The following CADM2 variants were observed in gnomAD, a reference collection of about 807,000 sequenced individuals.
CADM2 encodes the protein immunoglobulin superfamily member 4D.
In CADM2, 12 loss-of-function variants were observed where a neutral mutation model predicts 49.8. The observed-to-expected ratio is 0.24, with a 90% CI of 0.15 to 0.39. The LOEUF (loss-of-function observed/expected upper bound fraction) is 0.39. Among genes scored for constraint, CADM2 ranks in the 10% least tolerant of loss-of-function variants. The pLI is 1.00. For missense variants in CADM2, 378 were observed against 492.3 expected (o/e 0.77, Z 2.20); for synonymous variants, 214 against 175.4 (o/e 1.22, Z -1.74).
intron 1 of CADM2, among the ~76,000 whole-genome samples, chr3:85,374,824 A>G (rs996724117): frequency 2.0e-5 from 3 of 152,226 alleles, no homozygotes; most frequent in South Asian, 2.1e-4. Flanking sequence ...ACCCACTCCA[A>G]TGATTCAATT....
intron 1 of CADM2, among the ~76,000 whole-genome samples, chr3:85,533,264 A>C (rs1230774427): frequency 6.6e-6 from 1 of 152,196 alleles, no homozygotes; most frequent in Non-Finnish European, 1.5e-5. Flanking sequence ...TTTATAAGCA[A>C]ATTATATATG....
chr3:85,185,922 G>T (rs1472886422), intron 1 of CADM2, among the ~76,000 whole-genome samples: 1 of 152,040 alleles, frequency 6.6e-6, no homozygotes, highest in African/African-American at 2.4e-5. Context: ...TTCTTCAACC[G>T]CAAAAGAAAT....
At chr3:85,995,879 G>A (rs1026186583) in intron 8 of CADM2, among the ~76,000 whole-genome samples, 4 of 151,984 alleles carry the variant, frequency 2.6e-5, no homozygotes, top group Admixed American at 2.6e-4. Flanking sequence ...CACGAGGTCA[G>A]GAGATCAAGA....
chr3:85,069,531 G>T (rs1405767508), intron 1 of CADM2, among the ~76,000 whole-genome samples: 1 of 151,936 alleles, frequency 6.6e-6, no homozygotes, highest in Non-Finnish European at 1.5e-5. Context: ...TCCCTATTAG[G>T]TGTTTTAAGT....
intron 1 of CADM2, among the ~76,000 whole-genome samples, chr3:85,329,020 G>A (rs1201722257): frequency 1.3e-5 from 2 of 151,934 alleles, no homozygotes; most frequent in African/African-American, 4.8e-5. Flanking sequence ...AAGAGGATTA[G>A]CCCTCATCCA....
chr3:85,546,504 C>A (rs1381109216), intron 1 of CADM2, among the ~76,000 whole-genome samples: 2 of 151,860 alleles, frequency 1.3e-5, no homozygotes, highest in Admixed American at 6.6e-5. Flanking sequence ...AAATAAGATA[C>A]CCTAAATATA....
intron 1 of CADM2, among the ~76,000 whole-genome samples, chr3:85,722,065 G>A (rs538597091): frequency 1.3e-5 from 2 of 152,156 alleles, no homozygotes; most frequent in South Asian, 2.1e-4. Context: ...GGAGTGAGTA[G>A]CTCCTTTCTG....
At chr3:85,610,509 C>T (rs2107447588) in intron 1 of CADM2, among the ~76,000 whole-genome samples, 1 of 151,866 alleles carries the variant, frequency 6.6e-6, no homozygotes. Context: ...ATAATAATAG[C>T]AGCTATTCTG....
chr3:85,348,176 T>C (rs776051901), intron 1 of CADM2, among the ~76,000 whole-genome samples: 3 of 152,190 alleles, frequency 2.0e-5, no homozygotes, highest in Non-Finnish European at 2.9e-5. Flanking sequence ...TTTGCTGCAA[T>C]CCTCAGCCAA....
intron 8 of CADM2, among the ~76,000 whole-genome samples, chr3:86,026,506 A>ACAACT (rs1733924843): frequency 6.6e-6 from 1 of 152,190 alleles, no homozygotes; most frequent in African/African-American, 2.4e-5. Context: ...AAGGTATTTT[A>ACAACT]CAACTCCAGC....
intron 1 of CADM2, among the ~76,000 whole-genome samples, chr3:85,047,049 T>C (rs1306082084): frequency 6.6e-6 from 1 of 152,158 alleles, no homozygotes; most frequent in Middle Eastern, 3.2e-3. Context: ...AATCAAGGTA[T>C]GTAATAAGCA....
At chr3:85,973,678 A>G (rs771362634) in intron 8 of CADM2, among the ~76,000 whole-genome samples, 2 of 151,754 alleles carry the variant, frequency 1.3e-5, no homozygotes, top group Non-Finnish European at 2.9e-5. Context: ...CAAATTTGAA[A>G]ATGTTATTAT....
At chr3:85,774,860 A>G (rs972432633) in intron 2 of CADM2, among the ~76,000 whole-genome samples, 3 of 151,718 alleles carry the variant, frequency 2.0e-5, no homozygotes, top group African/African-American at 7.2e-5. Flanking sequence ...ATTATATTTC[A>G]ACACCGATAG....
chr3:85,612,717 T>C (rs913560403), intron 1 of CADM2, among the ~76,000 whole-genome samples: 1 of 151,798 alleles, frequency 6.6e-6, no homozygotes, highest in African/African-American at 2.4e-5. Flanking sequence ...TGATTTAACT[T>C]AGTAATATGT....
chr3:85,737,368 G>C (rs1003333792), intron 2 of CADM2, among the ~76,000 whole-genome samples: 5 of 152,146 alleles, frequency 3.3e-5, no homozygotes, highest in Non-Finnish European at 7.4e-5. Context: ...GCCAAACAAA[G>C]CTCATGTAAA....
intron 2 of CADM2, among the ~76,000 whole-genome samples, chr3:85,791,149 G>T (rs1186715558): frequency 6.6e-6 from 1 of 152,170 alleles, no homozygotes; most frequent in Non-Finnish European, 1.5e-5. Flanking sequence ...GAAACATTTT[G>T]CACTTAGTTA....
chr3:85,770,470 C>T (rs779301684), intron 2 of CADM2, among the ~76,000 whole-genome samples: 2 of 152,012 alleles, frequency 1.3e-5, no homozygotes, highest in Non-Finnish European at 1.5e-5. Context: ...TGCACTACCA[C>T]CACTAGCTGT....
At chr3:85,669,947 A>G (rs963195932) in intron 1 of CADM2, among the ~76,000 whole-genome samples, 14 of 144,778 alleles carry the variant, frequency 9.7e-5, no homozygotes, top group African/African-American at 3.2e-4. Flanking sequence ...GCCCTGGGAC[A>G]GAAGAATCTT....
chr3:84,970,393 G>T (rs922286685), intron 1 of CADM2, among the ~76,000 whole-genome samples: 1 of 151,356 alleles, frequency 6.6e-6, no homozygotes, highest in African/African-American at 2.4e-5. Context: ...TCTACAATTT[G>T]TAGTGACTAT....
Sources: gnomAD v4.1 joint callset for allele counts (sites outside exome capture counted in the v4.1 genomes callset) on GRCh38, gnomAD v4.1.1 for gene constraint, MANE v1.5 for transcripts, NCBI Gene and HGNC (gene_info 2026-07-23, HGNC 2026-07-21) for gene names.